TEX11: variants seen among roughly 807,000 people sequenced by gnomAD.
TEX11 encodes the protein testis-expressed protein 11.
TEX11 carries 7 observed loss-of-function variants against 84.4 expected under a neutral mutation model. That is an observed-to-expected ratio of 0.08 (90% CI 0.05 to 0.16). The LOEUF (loss-of-function observed/expected upper bound fraction) is 0.16, where lower values mean the gene tolerates loss of function less well. Among genes scored for constraint, TEX11 ranks in the 10% least tolerant of loss-of-function variants. TEX11 has a pLI of 1.00. For missense variants in TEX11, 551 were observed against 660.5 expected, an observed-to-expected ratio of 0.83 and a Z score of 1.82; for synonymous variants, 264 against 222.8, an observed-to-expected ratio of 1.18 and a Z score of -1.64.
intron 16 of TEX11, among the ~76,000 whole-genome samples, chrX:70,668,517 A>G (rs2089996149): frequency 8.9e-6 from 1 of 112,585 alleles, no homozygotes; most frequent in Non-Finnish European, 1.9e-5. Flanking sequence ...TACTAACAGT[A>G]ACCAACAAAG....
intron 8 of TEX11, among the ~76,000 whole-genome samples, chrX:70,813,740 C>T (rs59943130): frequency 0.055 from 6,130 of 111,749 alleles, 353 homozygotes; most frequent in South Asian, 0.16. Flanking sequence ...TGATAAGCAA[C>T]TTCAGTAAAG....
intron 25 of TEX11, among the ~76,000 whole-genome samples, chrX:70,555,848 G>C (rs1018096422): frequency 8.9e-6 from 1 of 111,968 alleles, no homozygotes; most frequent in African/African-American, 3.2e-5. Context: ...ATTTCTTCTT[G>C]AGGGAGCTTT....
chrX:70,738,405 T>A (rs907424480), intron 11 of TEX11, among the ~76,000 whole-genome samples: 5 of 112,007 alleles, frequency 4.5e-5, no homozygotes, highest in Middle Eastern at 4.6e-3. Context: ...TGAGATAACA[T>A]CTCACGACAG....
intron 9 of TEX11, among the ~76,000 whole-genome samples, chrX:70,764,739 T>C (rs960117273): frequency 1.8e-5 from 2 of 110,958 alleles, no homozygotes; most frequent in African/African-American, 6.6e-5. Flanking sequence ...ATGAAAAAAT[T>C]TCTAGAAGCA....
chrX:70,908,159 C>T (rs368813107), intron 1 of TEX11, among the ~76,000 whole-genome samples: 11 of 111,619 alleles, frequency 9.9e-5, no homozygotes, highest in Non-Finnish European at 1.3e-4. Flanking sequence ...TCCTTTTTCC[C>T]GCTCTGTGAG....
chrX:70,549,284 G>A (rs749455571), intron 28 of TEX11, among the ~76,000 whole-genome samples: 25 of 111,626 alleles, frequency 2.2e-4, no homozygotes, highest in Non-Finnish European at 4.1e-4. Context: ...CATACTGTGG[G>A]CCTTAGGTGA....
intron 17 of TEX11, among the ~76,000 whole-genome samples, chrX:70,647,790 C>T (rs903786987): frequency 9.0e-6 from 1 of 111,123 alleles, no homozygotes; most frequent in Non-Finnish European, 1.9e-5. Context: ...TGTGGAGAAA[C>T]AGGAACACTT....
intron 9 of TEX11, among the ~76,000 whole-genome samples, chrX:70,760,667 C>T (rs1436240052): frequency 8.9e-6 from 1 of 111,814 alleles, no homozygotes; most frequent in Non-Finnish European, 1.9e-5. Flanking sequence ...TAGAAGAAAA[C>T]CTAGGCAATA....
chrX:70,889,056 G>A (rs1224722564), intron 2 of TEX11, among the ~76,000 whole-genome samples: 1 of 110,908 alleles, frequency 9.0e-6, no homozygotes, highest in Non-Finnish European at 1.9e-5. Context: ...ATCAACACCA[G>A]ACCTGCCTTA....
intron 25 of TEX11, among the ~76,000 whole-genome samples, chrX:70,577,283 T>A (rs1480857606): frequency 6.0e-4 from 65 of 109,241 alleles, no homozygotes; most frequent in African/African-American, 1.5e-3. Context: ...AAAAAAAAAA[T>A]GGCAGATGGA....
At chrX:70,562,685 A>G (rs1284172288) in intron 25 of TEX11, among the ~76,000 whole-genome samples, 1 of 112,088 alleles carries the variant, frequency 8.9e-6, no homozygotes, top group Non-Finnish European at 1.9e-5. Context: ...TTAAAATTGT[A>G]TCCGGTAAAA....
chrX:70,885,773 G>C (rs1308497253), intron 2 of TEX11, among the ~76,000 whole-genome samples: 1 of 108,170 alleles, frequency 9.2e-6, no homozygotes. Flanking sequence ...CACCTGTAGT[G>C]CCAGGTACTT....
Position 70,682,666 on chromosome X carries a change from C to T in TEX11, c.1156+8G>A. 8.3e-7 allele frequency: 1 copy of T among 1,206,597 alleles called. No individual in the cohort carries two copies. The highest frequency in any genetic ancestry group is 1.8e-5 in the South Asian group (1 of 55,528). ...CGTTTCTAAAACACTTGCGAAAATC[C>T]TACTGACCTAAAAAGATTTCTTCAA... is the stretch of plus-strand genomic sequence containing the variant. On this transcript the variant is annotated splice_region_variant and intron_variant, in intron 14 of 29. Transcript: ENST00000374333.
chrX:70,697,575 A>G (rs776214148), intron 13 of TEX11, among the ~76,000 whole-genome samples: 7 of 112,372 alleles, frequency 6.2e-5, no homozygotes, highest in African/African-American at 1.9e-4. Flanking sequence ...TAAAACTGCT[A>G]AAGAAGCTAA....
intron 15 of TEX11, among the ~76,000 whole-genome samples, chrX:70,678,464 GT>G (rs57446987): frequency 9.4e-6 from 1 of 105,974 alleles, no homozygotes; most frequent in African/African-American, 3.4e-5. Context: ...TCTTGTAAAG[GT>G]TTTTTTTTCC....
chrX:70,678,985 C>T (rs2090102580), intron 14 of TEX11, 96 bp from the exon 15 acceptor site: 1 of 691,188 alleles, frequency 1.4e-6, no homozygotes, highest in African/African-American at 2.2e-5. Flanking sequence ...GTCTCCCTCT[C>T]CCTCTCTCCA....
intron 9 of TEX11, among the ~76,000 whole-genome samples, chrX:70,785,839 G>A (rs1054549269): frequency 8.9e-6 from 1 of 111,817 alleles, no homozygotes; most frequent in African/African-American, 3.3e-5. Flanking sequence ...GTAAGGTTGT[G>A]GAAAAATAGG....
rs141661393 is a variant in TEX11, at chrX:70,668,265, C to A, written c.1380+2112G>T. Among the ~76,000 whole-genome samples the A allele has an allele frequency of 9.7e-3, 1,094 of 112,314 alleles. 8 individuals are homozygous for A. The highest frequency in any genetic ancestry group is 0.015 in the Non-Finnish European group (797 of 53,244). On this transcript the variant is annotated intron_variant, in intron 16 of 29. Coordinates refer to ENST00000374333, the MANE Select transcript of TEX11 (RefSeq NM_031276.3). ...AAAAACCATGAAATTTTAGCAAACC[C>A]AATAAACATGGTTTCATAAATTTTC...
At chrX:70,808,906 C>G (rs2091236586) in intron 8 of TEX11, among the ~76,000 whole-genome samples, 1 of 111,688 alleles carries the variant, frequency 9.0e-6, no homozygotes, top group Non-Finnish European at 1.9e-5. Flanking sequence ...GACATGCAAA[C>G]TCTTCAAACA....
Sources: allele counts gnomAD v4.1 joint callset (sites outside exome capture counted in the v4.1 genomes callset), GRCh38; gene constraint gnomAD v4.1.1; transcripts MANE v1.5; gene names NCBI Gene and HGNC (gene_info 2026-07-23, HGNC 2026-07-21).